Variants in MTSS1 observed in about 807,000 individuals in gnomAD.
MTSS1 encodes the protein MTSS I-BAR domain containing 1.
Under a neutral mutation model 79.0 loss-of-function variants are expected in MTSS1, and 18 were observed. The observed-to-expected ratio is 0.23, with a 90% CI of 0.16 to 0.34. The LOEUF is 0.34. Among genes scored for constraint, MTSS1 ranks in the 10% least tolerant of loss-of-function variants. The pLI is 1.00. For missense variants in MTSS1, 815 were observed against 986.2 expected (o/e 0.83, Z 2.33); for synonymous variants, 341 against 368.6 (o/e 0.93, Z 0.86).
At chr8:124,621,267 G>A (rs1041625367) in intron 3 of MTSS1, among the ~76,000 whole-genome samples, 4 of 152,248 alleles carry the variant, frequency 2.6e-5, no homozygotes, top group Admixed American at 1.3e-4. Flanking sequence ...TATCCCTGCA[G>A]TGAAATAATT....
In MTSS1 at chr8:124,599,925, G is replaced by A. The variant is rs1014811790; in HGVS notation, c.209-8690C>T. Among the ~76,000 whole-genome samples, 9 of 152,120 alleles carry A rather than the reference G, an allele frequency of 5.9e-5. No individual in the cohort carries two copies. The East Asian group carries it at 1.7e-3, about 29-fold the overall frequency. ...ATAAGCAGAGAACCACAGGGTGAAAGGCTTAGCTCTGAAATTAGCCAATGT... is the reference window on the plus strand; with the variant it reads ...ATAAGCAGAGAACCACAGGGTGAAAAGCTTAGCTCTGAAATTAGCCAATGT... On this transcript the variant is annotated intron_variant, in intron 3 of 13. Transcript: ENST00000518547.
At chr8:124,619,931 G>A (rs577477941) in intron 3 of MTSS1, among the ~76,000 whole-genome samples, 22 of 131,082 alleles carry the variant, frequency 1.7e-4, no homozygotes, top group African/African-American at 8.0e-4. Flanking sequence ...CAGCACAACT[G>A]TTTTTCTTTT....
chr8:124,716,739 T>C (rs1241314004), intron 1 of MTSS1, among the ~76,000 whole-genome samples: 1 of 152,102 alleles, frequency 6.6e-6, no homozygotes, highest in African/African-American at 2.4e-5. Flanking sequence ...ACATGTCCCT[T>C]TGCGCCCTTG....
intron 6 of MTSS1, among the ~76,000 whole-genome samples, chr8:124,584,287 G>A (rs1223952762): frequency 6.6e-6 from 1 of 152,174 alleles, no homozygotes; most frequent in African/African-American, 2.4e-5. Flanking sequence ...GCAGCCTGAC[G>A]GAAGAATCCC....
intron 3 of MTSS1, among the ~76,000 whole-genome samples, chr8:124,625,216 A>G (rs1814427877): frequency 1.3e-5 from 2 of 152,164 alleles, no homozygotes; most frequent in Admixed American, 1.3e-4. Context: ...CTTGGAAAGG[A>G]CACTTGATCT....
intron 5 of MTSS1, among the ~76,000 whole-genome samples, chr8:124,586,109 C>T (rs965941167): frequency 6.6e-6 from 1 of 152,216 alleles, no homozygotes; most frequent in African/African-American, 2.4e-5. Context: ...CCTCATCACC[C>T]AGACATAGAC....
rs189510863 is a variant in MTSS1, at chr8:124,676,856, C to T, written c.208+22670G>A. On this transcript the variant is annotated intron_variant, in intron 3 of 13. Transcript: ENST00000518547. ...CCCAGTCCCATCAATCAGCCAGCCA[C>T]GGGCACAAAACACACGCTGATGAAA... 1.5e-3 allele frequency among the ~76,000 whole-genome samples: 234 copies of T among 152,268 alleles called. 8 individuals are homozygous for T. The highest frequency in any genetic ancestry group is 0.014 in the Admixed American group (221 of 15,290).
chr8:124,555,542 G>A (rs923296098), intron 13 of MTSS1, among the ~76,000 whole-genome samples, 200 bp downstream of exon 13: 13 of 152,176 alleles, frequency 8.5e-5, no homozygotes, highest in Non-Finnish European at 1.8e-4. Flanking sequence ...CACTGCGCCC[G>A]ACCCCAGATC....
At chr8:124,659,414 T>G (rs544817401) in intron 3 of MTSS1, among the ~76,000 whole-genome samples, 2 of 152,218 alleles carry the variant, frequency 1.3e-5, no homozygotes, top group Non-Finnish European at 2.9e-5. Flanking sequence ...GGTATGCCTT[T>G]AGCTGATAAT....
chr8:124,613,937 G>A (rs576287703), intron 3 of MTSS1, among the ~76,000 whole-genome samples: 1 of 152,262 alleles, frequency 6.6e-6, no homozygotes, highest in African/African-American at 2.4e-5. Context: ...TGAGGCAGGA[G>A]GATGGTTTGA....
chr8:124,664,708 CT>C (rs1822734118), intron 3 of MTSS1, among the ~76,000 whole-genome samples: 1 of 152,204 alleles, frequency 6.6e-6, no homozygotes, highest in East Asian at 1.9e-4. Flanking sequence ...TGACTAGTAG[CT>C]TTTGCTTACA....
chr8:124,723,035 C>A lies in MTSS1; in HGVS notation c.72+4849G>T, dbSNP rs970956898. Reference sequence around the variant, plus strand: ...TTTCACCCTCCAAGCATTTTAACAGCCTTAAGTAAGCTAGCCAAATTGACA... The same window carrying A: ...TTTCACCCTCCAAGCATTTTAACAGACTTAAGTAAGCTAGCCAAATTGACA... On this transcript the variant is annotated intron_variant, in intron 1 of 13. Coordinates refer to ENST00000518547, the MANE Select transcript of MTSS1 (RefSeq NM_014751.6). Among the ~76,000 whole-genome samples the A allele has an allele frequency of 2.6e-5, 4 of 152,156 alleles. No homozygotes were observed. In the South Asian group the frequency reaches 8.3e-4, roughly 32 times the overall value.
At chr8:124,657,475 CAAAA>C (rs58258455) in intron 3 of MTSS1, among the ~76,000 whole-genome samples, 5 of 106,966 alleles carry the variant, frequency 4.7e-5, no homozygotes, top group Non-Finnish European at 4.1e-5. Context: ...GCAGAGTCAG[CAAAA>C]AAAAAAAAAA....
intron 6 of MTSS1, chr8:124,580,033 C>G (rs985570973): frequency 6.6e-6 from 1 of 152,252 alleles, no homozygotes; most frequent in African/African-American, 2.4e-5. Flanking sequence ...ATAAGAAATA[C>G]TTTTGATTTA....
intron 6 of MTSS1, among the ~76,000 whole-genome samples, chr8:124,574,882 C>T (rs1255576767): frequency 6.6e-6 from 1 of 152,186 alleles, no homozygotes; most frequent in Non-Finnish European, 1.5e-5. Context: ...TAAGATATTT[C>T]ATTCTAAGAG....
chr8:124,705,235 C>T (rs1221868862), intron 1 of MTSS1, among the ~76,000 whole-genome samples: 3 of 152,142 alleles, frequency 2.0e-5, no homozygotes, highest in Admixed American at 1.3e-4. Flanking sequence ...CTTTGGGAGG[C>T]CAAGGTGGGC....
rs1402190326 is a variant in MTSS1, at chr8:124,553,504, C to T, written c.1756G>A (p.Val586Ile). ...TLGPAMVTPGVATIRRTPSTK... is the reference protein window; with the variant it reads ...TLGPAMVTPGIATIRRTPSTK... ...GAAGGGGTCCGTCGGATAGTTGCAACCCCTGGAGTGACCATAGCAGGTCCC... is the reference window on the plus strand; with the variant it reads ...GAAGGGGTCCGTCGGATAGTTGCAATCCCTGGAGTGACCATAGCAGGTCCC... Residue 586 changes from valine (V) to isoleucine (I), a missense_variant, in exon 14 of 14, where the codon GTT (valine) becomes ATT (isoleucine). Val to Ile is a conservative substitution (Grantham distance 29, BLOSUM62 3). Around this residue, in one of 2 missense-constraint regions of MTSS1, gnomAD observed 590 missense variants for 620.8 expected, o/e 0.95. Transcript: ENST00000518547. The surrounding 1 kb of genome is among the most constrained non-coding windows in gnomAD (Gnocchi z 6.0). 4 of 1,613,820 alleles carry T rather than the reference C, an allele frequency of 2.5e-6. No homozygotes were observed. The highest frequency in any genetic ancestry group is 2.7e-5 in the African/African-American group (2 of 74,880).
chr8:124,564,510 T>C (rs1224845825), intron 9 of MTSS1, among the ~76,000 whole-genome samples: 6 of 152,100 alleles, frequency 3.9e-5, no homozygotes, highest in African/African-American at 1.4e-4. Flanking sequence ...AAGGCGGCAG[T>C]TGGGGACCGA....
chr8:124,568,557 A>G (rs1827027758), intron 6 of MTSS1, 21 bp from the exon 7 acceptor site: 1 of 1,614,054 alleles, frequency 6.2e-7, no homozygotes, highest in South Asian at 1.1e-5. Flanking sequence ...CAGAGACCCA[A>G]GCACGGCTTG....
Sources: allele counts gnomAD v4.1 joint callset (sites outside exome capture counted in the v4.1 genomes callset), GRCh38; gene constraint gnomAD v4.1.1; regional missense constraint gnomAD v4.1.1; non-coding constraint Gnocchi (gnomAD v3.1); transcripts MANE v1.5; gene names NCBI Gene and HGNC (gene_info 2026-07-23, HGNC 2026-07-21).